Variants in CASK observed in about 807,000 individuals in gnomAD.
The protein encoded by CASK is calcium/calmodulin dependent serine protein kinase, also known as peripheral plasma membrane protein CASK.
A neutral mutation model predicts 82.9 loss-of-function variants in CASK; 4 were observed. The ratio of observed to expected loss-of-function variants is 0.05; its 90% CI spans 0.02 to 0.11. The LOEUF (loss-of-function observed/expected upper bound fraction) is 0.11, where lower values mean the gene tolerates loss of function less well. CASK is among the 10% of genes least tolerant of loss of function. CASK has a pLI of 1.00. For synonymous variants in CASK, 259 were observed against 253.5 expected (o/e 1.02, Z -0.20); for missense variants, 358 against 720.9 (o/e 0.50, Z 5.76).
chrX:41,779,101 G>A (rs1043301356), intron 3 of CASK, among the ~76,000 whole-genome samples: 8 of 112,033 alleles, frequency 7.1e-5, no homozygotes, highest in Non-Finnish European at 1.1e-4. Context: ...TTGGATTTCA[G>A]GACGGTCCTC....
intron 17 of CASK, among the ~76,000 whole-genome samples, chrX:41,561,316 A>G (rs1001470525): frequency 8.1e-5 from 9 of 110,953 alleles, no homozygotes; most frequent in African/African-American, 2.9e-4. Context: ...AACAGGAGAT[A>G]AAGGATAAAA....
chrX:41,536,220 C>T (rs1245526659), intron 22 of CASK, among the ~76,000 whole-genome samples: 1 of 110,664 alleles, frequency 9.0e-6, no homozygotes, highest in Non-Finnish European at 1.9e-5. Flanking sequence ...CAGGTTCAAG[C>T]GATTCTCCTG....
chrX:41,718,694 T>A (rs1344246889), intron 5 of CASK, among the ~76,000 whole-genome samples: 4 of 112,048 alleles, frequency 3.6e-5, no homozygotes, highest in Non-Finnish European at 5.6e-5. Context: ...TTGGCATTGT[T>A]ACCGATCATG....
chrX:41,569,487 G>A (rs963981964), intron 16 of CASK, among the ~76,000 whole-genome samples, 181 bp downstream of exon 16: 1 of 111,212 alleles, frequency 9.0e-6, no homozygotes. Context: ...TGGGTGTGAT[G>A]GCATGCACCT....
chrX:41,811,206 T>G (rs1469818682), intron 2 of CASK, among the ~76,000 whole-genome samples: 1 of 111,701 alleles, frequency 9.0e-6, no homozygotes, highest in African/African-American at 3.3e-5. Flanking sequence ...ATCCAGGAAT[T>G]GAACTCAGCT....
intron 2 of CASK, among the ~76,000 whole-genome samples, chrX:41,809,819 G>A (rs1046245460): frequency 2.1e-4 from 23 of 111,650 alleles, no homozygotes; most frequent in Non-Finnish European, 3.2e-4. Flanking sequence ...TGAACCCATC[G>A]CAAAGAAGCT....
At chrX:41,604,370 G>A (rs765953695) in intron 12 of CASK, among the ~76,000 whole-genome samples, 9 of 101,260 alleles carry the variant, frequency 8.9e-5, no homozygotes, top group African/African-American at 3.3e-4. Flanking sequence ...CTTCTAAGAA[G>A]GCCATGTAAA....
chrX:41,633,056 A>AAT (rs2066499318), intron 9 of CASK, among the ~76,000 whole-genome samples: 2 of 86,340 alleles, frequency 2.3e-5, no homozygotes, highest in African/African-American at 7.2e-5. Flanking sequence ...AAAAAAAAAA[A>AAT]AATAATAATA....
In CASK at chrX:41,804,999, A is replaced by C. The variant is rs115815463; in HGVS notation, c.173-17716T>G. The stretch of plus-strand genomic sequence containing the variant: ...ATGGCTTTCCTACTTTAACGTAAGC[A>C]CTCATTTTATACTGTCTCAATTCAT... On this transcript the variant is annotated intron_variant, in intron 2 of 26. Transcript: ENST00000378163. 7.0e-3 allele frequency among the ~76,000 whole-genome samples: 782 copies of C among 111,937 alleles called. 10 individuals are homozygous for C. Among genetic ancestry groups the C allele is most frequent in the African/African-American group, 0.024 (754 of 30,804 alleles).
At chrX:41,733,649 T>G (rs1257944930) in intron 5 of CASK, among the ~76,000 whole-genome samples, 1 of 109,508 alleles carries the variant, frequency 9.1e-6, no homozygotes, top group Non-Finnish European at 1.9e-5. Flanking sequence ...CTCGGGAGGC[T>G]GAGGCAGGAG....
chrX:41,881,567 A>G (rs1048992881), intron 1 of CASK, among the ~76,000 whole-genome samples: 3 of 111,502 alleles, frequency 2.7e-5, no homozygotes, highest in Non-Finnish European at 3.8e-5. Context: ...CTGGACCATA[A>G]TAATTGTTCA....
At chrX:41,633,592 GA>G (rs1334899321) in intron 9 of CASK, among the ~76,000 whole-genome samples, 2 of 107,465 alleles carry the variant, frequency 1.9e-5, no homozygotes, top group African/African-American at 7.0e-5. Flanking sequence ...TTATCTAGAG[GA>G]TTCTTTTTTT....
chrX:41,781,982 G>C (rs909722554), intron 3 of CASK, among the ~76,000 whole-genome samples: 1 of 111,707 alleles, frequency 9.0e-6, no homozygotes, highest in Non-Finnish European at 1.9e-5. Flanking sequence ...TCAGAAATCT[G>C]TCAGTTAAAA....
chrX:41,861,033 T>C (rs956603640), intron 1 of CASK, among the ~76,000 whole-genome samples: 10 of 112,472 alleles, frequency 8.9e-5, no homozygotes, highest in African/African-American at 3.2e-4. Context: ...TCAGTACTTA[T>C]ATTGACATAA....
Position 41,701,136 on chromosome X carries a change from T to C in CASK, c.430-29606A>G, listed in dbSNP as rs910394916. Among the ~76,000 whole-genome samples the C allele has an allele frequency of 7.3e-5, 8 of 109,809 alleles. No individual in the cohort carries two copies. The Admixed American group carries it at 7.9e-4, about 11-fold the overall frequency. ...TTAATAAATAATAGTGCTGTGCCTA[T>C]TTAAAATAAAAGGCCAATTTACAGC... is the stretch of plus-strand genomic sequence containing the variant. On this transcript the variant is annotated intron_variant, in intron 5 of 26. Coordinates refer to ENST00000378163, the MANE Select transcript of CASK (RefSeq NM_001367721.1).
rs769904392 is a variant in CASK, at chrX:41,549,823, G to C, written c.2039+3896C>G. On this transcript the variant is annotated intron_variant, in intron 21 of 26. Transcript: ENST00000378163. Reference sequence around the variant, plus strand: ...CCACGGCACTCCAGCCTGGGAGACAGAGAGGGACCTTGACTTTAGAAGAAT... The same window carrying C: ...CCACGGCACTCCAGCCTGGGAGACACAGAGGGACCTTGACTTTAGAAGAAT... Among the ~76,000 whole-genome samples, 8 of 110,250 alleles carry C rather than the reference G, an allele frequency of 7.3e-5. No individual in the cohort carries two copies. The East Asian group carries it at 2.3e-3, about 31-fold the overall frequency.
At chrX:41,652,483 CAATGACTGACT>C (rs1345840687) in intron 8 of CASK, among the ~76,000 whole-genome samples, 1 of 111,741 alleles carries the variant, frequency 8.9e-6, no homozygotes, top group Non-Finnish European at 1.9e-5. Flanking sequence ...CTTTGTATGC[CAATGACTGACT>C]GATGGCTGGC....
intron 15 of CASK, 26 bp downstream of exon 15, chrX:41,578,314 A>G: frequency 2.7e-6 from 3 of 1,112,712 alleles, no homozygotes; most frequent in African/African-American, 3.6e-5. Context: ...TTATGAGAGT[A>G]TTGAAAACTT....
rs2065712680 is a variant in CASK at position 41,589,557 on chromosome X, T to C, written c.1191A>G (p.Gln397=). 6.6e-6 allele frequency: 8 copies of C among 1,204,208 alleles called. No homozygotes were observed. Among genetic ancestry groups the C allele is most frequent in the African/African-American group, 1.7e-5 (1 of 57,268 alleles). The change falls in exon 13 of 27, where the codon CAA becomes CAG. Residue 397 remains glutamine (Q), a synonymous_variant. Coordinates refer to ENST00000378163, the MANE Select transcript of CASK (RefSeq NM_001367721.1). ...CTGCATCGCTTGGAGGATTCCTGAT[T>C]TGTGGTGAAGACTTTGTGTTAATTT... is the stretch of plus-strand genomic sequence containing the variant. The part of the protein sequence containing the change: ...YDKINTKSSP[Q]IRNPPSDAVQ...
Sources: allele counts gnomAD v4.1 joint callset (sites outside exome capture counted in the v4.1 genomes callset), GRCh38; gene constraint gnomAD v4.1.1; transcripts MANE v1.5; gene names NCBI Gene and HGNC (gene_info 2026-07-23, HGNC 2026-07-21).